Variants in ZNF846 observed in about 807,000 individuals in gnomAD.
The protein encoded by ZNF846 is zinc finger protein 420 pseudogene.
Under a neutral mutation model 16.0 loss-of-function variants are expected in ZNF846, and 15 were observed. That is an observed-to-expected ratio of 0.94 (90% CI 0.63 to 1.45). The LOEUF (loss-of-function observed/expected upper bound fraction) is 1.45. ZNF846 is among the 40% of genes most tolerant of loss of function. The pLI, the probability that ZNF846 is intolerant of heterozygous loss-of-function variation, is 0.00. For missense variants in ZNF846, 714 were observed against 622.3 expected (o/e 1.15, Z -1.57); for synonymous variants, 229 against 212.0 (o/e 1.08, Z -0.70).
chr19:9,757,305 A>C (rs184791268), downstream of ZNF846, among the ~76,000 whole-genome samples: 2 of 151,884 alleles, frequency 1.3e-5, no homozygotes, highest in East Asian at 3.9e-4. Context: ...TAAGATGTGA[A>C]GAATTACTAC....
chr19:9,765,347 C>T (rs549299314), intron 1 of ZNF846, among the ~76,000 whole-genome samples: 5 of 151,908 alleles, frequency 3.3e-5, no homozygotes, highest in African/African-American at 1.2e-4. Context: ...TGCACTCCAG[C>T]CTGGCTGACA....
At chr19:9,776,978 G>A (rs1229999765) in intron 1 of ZNF846, among the ~76,000 whole-genome samples, 1 of 151,926 alleles carries the variant, frequency 6.6e-6, no homozygotes, top group African/African-American at 2.4e-5. Flanking sequence ...TATAGCTGGA[G>A]GGTTTATCTT....
chr19:9,782,464 G>C (rs1234491083), intron 1 of ZNF846, among the ~76,000 whole-genome samples: 1 of 151,866 alleles, frequency 6.6e-6, no homozygotes, highest in Non-Finnish European at 1.5e-5. Context: ...GGTCTTGCTA[G>C]GTTGCCCAGG....
downstream of ZNF846, among the ~76,000 whole-genome samples, chr19:9,757,125 G>A (rs900134991): frequency 6.6e-6 from 1 of 151,332 alleles, no homozygotes; most frequent in African/African-American, 2.5e-5. Flanking sequence ...AACCCAGGAG[G>A]CAGAGGTTGC....
At chr19:9,756,690 G>A (rs1183632969), downstream of ZNF846, 1 of 146,992 alleles carries the variant, frequency 6.8e-6, no homozygotes, top group Non-Finnish European at 1.5e-5. Context: ...TGAAGATCTT[G>A]TAGCCTTTAC....
chr19:9,774,883 C>T, intron 1 of ZNF846: 4 of 1,609,980 alleles, frequency 2.5e-6, no homozygotes, highest in Non-Finnish European at 3.4e-6. Context: ...CTGAAGAATA[C>T]TCTAAGGACC....
chr19:9,764,840 ATTTC>A, intron 2 of ZNF846, 92 bp downstream of exon 2: 1 of 1,441,196 alleles, frequency 6.9e-7, no homozygotes, highest in Non-Finnish European at 9.8e-7. Flanking sequence ...CAGGACCATC[ATTTC>A]TTTAAGATGC....
At chr19:9,765,143 TAGGC>T (rs2045294461) in intron 1 of ZNF846, 108 bp from the exon 2 acceptor site, 2 of 596,148 alleles carry the variant, frequency 3.4e-6, no homozygotes, top group Non-Finnish European at 6.0e-6. Context: ...GAGGCCAAGG[TAGGC>T]GAATCACTTG....
intron 1 of ZNF846, among the ~76,000 whole-genome samples, chr19:9,766,984 TTTTA>T (rs766572628): frequency 8.7e-5 from 13 of 149,554 alleles, no homozygotes; most frequent in Non-Finnish European, 1.8e-4. Flanking sequence ...TTAGTTATGC[TTTTA>T]TTTATTTATT....
intron 4 of ZNF846, among the ~76,000 whole-genome samples, chr19:9,761,200 C>T (rs2045221508): frequency 7.5e-6 from 1 of 133,172 alleles, no homozygotes; most frequent in African/African-American, 3.1e-5. Context: ...GAGACTCTGT[C>T]TCAAACAAAC....
At chr19:9,749,845 C>G (rs577848128), downstream of ZNF846, among the ~76,000 whole-genome samples, 40 of 152,234 alleles carry the variant, frequency 2.6e-4, no homozygotes, top group African/African-American at 9.6e-4. Flanking sequence ...TCTTTACTTT[C>G]TAGACAGATT....
In ZNF846 at chr19:9,758,415, TTGTGAGATCTTATATGTAACTTAAGG is replaced by T. The variant is rs757095888; in HGVS notation, c.636_661del (p.Leu213TrpfsTer8). On this transcript the variant is annotated frameshift_variant, in exon 6 of 6. Transcript: ENST00000397902. LOFTEE classifies it low-confidence loss of function (END_TRUNC). ...CTTACATACATAGTGTTTGTCTCCA[TTGTGAGATCTTATATGTAACTTAAGG>T]GATGACTGATTAAGAAAAGTTCTCC... The T allele has an allele frequency of 7.1e-5, 114 of 1,613,074 alleles. 6 individuals carry two copies. The African/African-American group carries it at 1.4e-3, about 20-fold the overall frequency.
chr19:9,764,961 T>A lies in ZNF846; in HGVS notation c.-11A>T. The A allele has an allele frequency of 1.2e-6, 2 of 1,614,092 alleles. No individual in the cohort carries two copies. The highest frequency in any genetic ancestry group is 8.5e-7 in the Non-Finnish European group (1 of 1,180,002). On this transcript the variant is annotated 5_prime_UTR_variant, in exon 2 of 6. The change abolishes an upstream ATG in the 5' untranslated region. Coordinates refer to ENST00000397902, the Ensembl canonical transcript of ZNF846. Reference sequence around the variant, plus strand: ...CTGAGAAGAATCCATCAGTAATCCATCAGTAACCCAGCCACTAGCCTTGGC... The same window carrying A: ...CTGAGAAGAATCCATCAGTAATCCAACAGTAACCCAGCCACTAGCCTTGGC...
At chr19:9,769,762 G>A (rs1480037998), upstream of ZNF846, among the ~76,000 whole-genome samples, 1 of 152,022 alleles carries the variant, frequency 6.6e-6, no homozygotes, top group African/African-American at 2.4e-5. Context: ...GAACACGTGA[G>A]TTCAGGAGTT....
At chr19:9,761,134 T>C (rs923351493) in intron 4 of ZNF846, among the ~76,000 whole-genome samples, 3 of 148,070 alleles carry the variant, frequency 2.0e-5, no homozygotes, top group East Asian at 3.9e-4. Flanking sequence ...AGGAAGCTGA[T>C]GGAGGTTGCA....
chr19:9,748,643 ATC>A (rs2045062479), downstream of ZNF846, among the ~76,000 whole-genome samples: 1 of 152,104 alleles, frequency 6.6e-6, no homozygotes, highest in African/African-American at 2.4e-5. Flanking sequence ...ATTGGTCTAT[ATC>A]TCTGTTTTGG....
chr19:9,754,192 A>G (rs372752383), downstream of ZNF846, among the ~76,000 whole-genome samples: 12 of 151,592 alleles, frequency 7.9e-5, no homozygotes, highest in East Asian at 2.1e-3. Context: ...ATATCCAGGC[A>G]AATTCTCTTT....
chr19:9,763,144 C>CAA (rs60184154), intron 3 of ZNF846, 138 bp downstream of exon 3: 1,104 of 560,064 alleles, frequency 2.0e-3, no homozygotes, highest in South Asian at 2.6e-3. Flanking sequence ...GACTGTGTCT[C>CAA]AAAAAAAAAA....
chr19:9,768,969 GGCCGGGTTGGAGGC>G (rs2045364085), upstream of ZNF846, among the ~76,000 whole-genome samples: 1 of 152,206 alleles, frequency 6.6e-6, no homozygotes, highest in Non-Finnish European at 1.5e-5. Context: ...CAGCGCCAAG[GGCCGGGTTGGAGGC>G]GGGGACTGGC....
Sources: allele counts gnomAD v4.1 joint callset (sites outside exome capture counted in the v4.1 genomes callset), GRCh38; gene constraint gnomAD v4.1.1; transcripts MANE v1.5; gene names NCBI Gene and HGNC (gene_info 2026-07-23, HGNC 2026-07-21).